The following MS4A4E variants were observed in gnomAD, a reference collection of about 807,000 sequenced individuals.
MS4A4E encodes putative membrane-spanning 4-domains subfamily A member 4E.
Under a neutral mutation model 13.3 loss-of-function variants are expected in MS4A4E, and 23 were observed. The observed-to-expected ratio is 1.73, with a 90% CI of 1.25 to 2.45. The LOEUF is 2.45. Ranked by LOEUF, MS4A4E falls within the 30% of genes most tolerant of loss-of-function variation. The pLI is 0.00. For missense variants in MS4A4E, 144 were observed against 131.2 expected (o/e 1.10, Z -0.48); for synonymous variants, 36 against 45.6 (o/e 0.79, Z 0.85).
chr11:60,217,032 A>G (rs1420439711), intron 3 of MS4A4E, among the ~76,000 whole-genome samples: 1 of 152,130 alleles, frequency 6.6e-6, no homozygotes, highest in East Asian at 1.9e-4. Context: ...ATCTAGAAAA[A>G]CAGAATATTA....
At chr11:60,212,510 C>T (rs935182165) in intron 5 of MS4A4E, among the ~76,000 whole-genome samples, 2 of 152,042 alleles carry the variant, frequency 1.3e-5, no homozygotes, top group South Asian at 2.1e-4. Context: ...GGGGTTTCAC[C>T]ATGTTAGCCA....
intron 8 of MS4A4E, among the ~76,000 whole-genome samples, chr11:60,204,058 C>T (rs573484886): frequency 3.9e-5 from 6 of 152,030 alleles, no homozygotes; most frequent in South Asian, 2.1e-4. Context: ...TTTATGTATG[C>T]GCTAATTTAA....
chr11:60,222,347 C>A (rs749647557), intron 3 of MS4A4E, among the ~76,000 whole-genome samples: 1 of 152,152 alleles, frequency 6.6e-6, no homozygotes. Flanking sequence ...TAAAGAAATG[C>A]GGCAGTGGGC....
intron 2 of MS4A4E, 32 bp downstream of exon 2, chr11:60,229,880 T>C (rs2134961984): frequency 6.4e-7 from 1 of 1,566,678 alleles, no homozygotes; most frequent in Non-Finnish European, 8.6e-7. Context: ...TACAACACTA[T>C]TGGTCTTCTC....
At chr11:60,231,962 T>A (rs939239052) in intron 1 of MS4A4E, among the ~76,000 whole-genome samples, 2 of 125,558 alleles carry the variant, frequency 1.6e-5, no homozygotes, top group African/African-American at 2.8e-5. Context: ...ATCACAAAAA[T>A]GAAAAGTTAA....
At chr11:60,234,719 T>G (rs678384) in intron 1 of MS4A4E, among the ~76,000 whole-genome samples, 60,217 of 150,666 alleles carry the variant, frequency 0.4, 12,493 homozygotes, top group East Asian at 0.41. Flanking sequence ...CTTCATAAAA[T>G]TACCTAACCA....
chr11:60,238,655 T>C (rs1200204253), intron 1 of MS4A4E, among the ~76,000 whole-genome samples: 1 of 152,226 alleles, frequency 6.6e-6, no homozygotes, highest in Admixed American at 6.5e-5. Context: ...TTCTACTCTC[T>C]ATTATTTTCA....
intron 1 of MS4A4E, among the ~76,000 whole-genome samples, chr11:60,238,617 T>C (rs2134975516): frequency 6.6e-6 from 1 of 152,338 alleles, no homozygotes; most frequent in East Asian, 1.9e-4. Context: ...GAATGAACTT[T>C]GGGTTTTGTT....
chr11:60,230,039 C>A lies in MS4A4E; in HGVS notation c.17G>T (p.Gly6Val), dbSNP rs866651946. ...AGCCCCTGGAGTGGTCTGTTCCATT[C>A]CTTGCATGGTTGTCATGGCAGCAGA... MTTMQGMEQTTPGAGP... is the reference protein window; with the variant it reads MTTMQVMEQTTPGAGP... The change falls in exon 2 of 9, where the codon GGA (glycine) becomes GTA (valine). Residue 6 changes from glycine (G) to valine (V), a missense_variant. Transcript: ENST00000651255. 1 of 1,597,976 alleles carries A rather than the reference C, an allele frequency of 6.3e-7. No homozygotes were observed. The highest frequency in any genetic ancestry group is 1.1e-5 in the South Asian group (1 of 87,936).
At chr11:60,219,987 G>T (rs2084247906) in intron 3 of MS4A4E, among the ~76,000 whole-genome samples, 1 of 152,174 alleles carries the variant, frequency 6.6e-6, no homozygotes, top group African/African-American at 2.4e-5. Flanking sequence ...GACATGCTTA[G>T]CAGCTGTCAG....
At position 60,214,554 on chromosome 11, in the gene MS4A4E, C is replaced by A; in HGVS notation, c.222+17G>T. 49 of 1,499,210 alleles carry A rather than the reference C, an allele frequency of 3.3e-5. No individual in the cohort carries two copies. Among genetic ancestry groups the A allele is most frequent in the Non-Finnish European group, 4.2e-5 (47 of 1,122,616 alleles). 92.9% of individuals were successfully genotyped at this position (1,499,210 alleles called of 1,614,324 possible). On this transcript the variant is annotated intron_variant, in intron 4 of 8. Transcript: ENST00000651255. ...TTAATCCTTTCCTTTTGATACCCCC[C>A]ACAAAACATTACTCACCAGACCTTT... is the stretch of plus-strand genomic sequence containing the variant.
chr11:60,213,427 C>T, intron 4 of MS4A4E: 2 of 830,610 alleles, frequency 2.4e-6, no homozygotes, highest in Non-Finnish European at 3.7e-6. Context: ...TCCTTCCCTG[C>T]CATTCCTTGC....
chr11:60,223,540 G>T (rs922123702), intron 3 of MS4A4E, among the ~76,000 whole-genome samples: 4 of 152,146 alleles, frequency 2.6e-5, no homozygotes, highest in Non-Finnish European at 2.9e-5. Context: ...TGGATTGAAG[G>T]ATGCAAAATA....
At chr11:60,216,655 C>T (rs2084198315) in intron 3 of MS4A4E, among the ~76,000 whole-genome samples, 1 of 150,936 alleles carries the variant, frequency 6.6e-6, no homozygotes, top group Non-Finnish European at 1.5e-5. Context: ...TGCAACTTTC[C>T]AGAGATGGAA....
intron 3 of MS4A4E, among the ~76,000 whole-genome samples, chr11:60,222,553 T>C (rs2084282436): frequency 6.6e-6 from 1 of 152,194 alleles, no homozygotes. Context: ...GTACTGTTTC[T>C]GCTATAGCCA....
At chr11:60,239,377 T>C (rs939980520) in intron 1 of MS4A4E, among the ~76,000 whole-genome samples, 1 of 152,234 alleles carries the variant, frequency 6.6e-6, no homozygotes, top group Non-Finnish European at 1.5e-5. Context: ...CATTTCTGGC[T>C]TGAAGTATAA....
chr11:60,208,895 C>T (rs547374003), intron 5 of MS4A4E, among the ~76,000 whole-genome samples: 2 of 152,322 alleles, frequency 1.3e-5, no homozygotes, highest in East Asian at 1.9e-4. Flanking sequence ...TAATCACAGA[C>T]ATTTATTCCC....
intron 1 of MS4A4E, among the ~76,000 whole-genome samples, chr11:60,234,879 A>AT (rs200463031): frequency 1.5e-5 from 2 of 130,738 alleles, no homozygotes; most frequent in Admixed American, 8.1e-5. Flanking sequence ...GAGTGGCTGA[A>AT]TTTAAAAAAA....
In MS4A4E at chr11:60,222,847, A is replaced by T. The variant is rs537606404; in HGVS notation, c.178+5747T>A. ...GTGTTGGCTAGGGTGACTGACCTGG[A>T]CTATCAAGATAAAATTAGTCTACTA... On this transcript the variant is annotated intron_variant, in intron 3 of 8. Coordinates refer to ENST00000651255, the MANE Select transcript of MS4A4E (RefSeq NM_001393391.1). Among the ~76,000 whole-genome samples the T allele has an allele frequency of 3.9e-5, 6 of 152,284 alleles. No individual in the cohort carries two copies. The South Asian group carries it at 6.2e-4, about 16-fold the overall frequency.
Sources: gnomAD v4.1 joint callset for allele counts (sites outside exome capture counted in the v4.1 genomes callset) on GRCh38, gnomAD v4.1.1 for gene constraint, MANE v1.5 for transcripts, NCBI Gene and HGNC (gene_info 2026-07-23, HGNC 2026-07-21) for gene names.